Variants in GLI2 observed in about 807,000 individuals in gnomAD.
GLI2 encodes the protein transcription activator GLI2.
GLI2 carries 22 observed loss-of-function variants against 78.9 expected under a neutral mutation model. The ratio of observed to expected loss-of-function variants is 0.28; its 90% CI spans 0.20 to 0.40. The LOEUF (loss-of-function observed/expected upper bound fraction) is 0.40, where lower values mean the gene tolerates loss of function less well. Ranked by LOEUF, GLI2 falls within the 10% of genes least tolerant of loss-of-function variation. The pLI, the probability that GLI2 is intolerant of heterozygous loss-of-function variation, is 1.00. For synonymous variants in GLI2, 974 were observed against 963.7 expected, an observed-to-expected ratio of 1.01 and a Z score of -0.20; for missense variants, 2,097 against 2,213.2, an observed-to-expected ratio of 0.95 and a Z score of 1.05.
At chr2:120,760,457 G>C (rs1371743732) in intron 1 of GLI2, among the ~76,000 whole-genome samples, 1 of 152,194 alleles carries the variant, frequency 6.6e-6, no homozygotes, top group Non-Finnish European at 1.5e-5. Context: ...CCCTTCCCCA[G>C]GCCTGGAGTG....
chr2:120,976,212 G>A (rs139534324), intron 9 of GLI2, among the ~76,000 whole-genome samples: 94 of 152,266 alleles, frequency 6.2e-4, no homozygotes, highest in Non-Finnish European at 1.1e-3. Context: ...ACATGCACGC[G>A]TCTCCGATTC....
At chr2:120,842,658 C>A (rs559832051) in intron 2 of GLI2, among the ~76,000 whole-genome samples, 29 of 152,348 alleles carry the variant, frequency 1.9e-4, no homozygotes, top group Admixed American at 1.8e-3. Flanking sequence ...AAGGCTGCCC[C>A]ACATGGCGTG....
intron 2 of GLI2, among the ~76,000 whole-genome samples, chr2:120,921,077 C>T (rs2104845721): frequency 6.6e-6 from 1 of 152,202 alleles, no homozygotes; most frequent in African/African-American, 2.4e-5. Context: ...ATTTTTCCCT[C>T]CTCAGCCTGG....
chr2:120,785,210 G>A (rs1471409896), intron 1 of GLI2, among the ~76,000 whole-genome samples: 3 of 152,176 alleles, frequency 2.0e-5, no homozygotes, highest in African/African-American at 4.8e-5. Context: ...TGGGCATGCA[G>A]AGGAAGGCCA....
intron 1 of GLI2, among the ~76,000 whole-genome samples, chr2:120,753,760 A>T (rs776502): frequency 1.6e-4 from 25 of 151,790 alleles, no homozygotes; most frequent in African/African-American, 5.3e-4. Flanking sequence ...TAGCCGGGCG[A>T]GGTGGCGGGC....
At chr2:120,953,268 G>A (rs1293238786) in intron 4 of GLI2, among the ~76,000 whole-genome samples, 2 of 152,206 alleles carry the variant, frequency 1.3e-5, no homozygotes, top group Non-Finnish European at 2.9e-5. Flanking sequence ...CAGAGTCACA[G>A]AGGAGAAGGC....
At chr2:120,924,032 A>G (rs2104857162) in intron 2 of GLI2, among the ~76,000 whole-genome samples, 1 of 152,308 alleles carries the variant, frequency 6.6e-6, no homozygotes, top group East Asian at 1.9e-4. Flanking sequence ...ATGTCAGCTC[A>G]TAGCTGGGGG....
At chr2:120,925,591 GC>G (rs1679622508) in intron 2 of GLI2, among the ~76,000 whole-genome samples, 1 of 152,208 alleles carries the variant, frequency 6.6e-6, no homozygotes, top group African/African-American at 2.4e-5. Flanking sequence ...GATCTTTCCT[GC>G]ATGGAATAGC....
chr2:120,988,613 C>T lies in GLI2; in HGVS notation c.2648C>T (p.Pro883Leu), dbSNP rs762431434. The T allele has an allele frequency of 4.1e-6, 6 of 1,469,272 alleles. 1 individual carries two copies. The highest frequency in any genetic ancestry group is 2.6e-5 in the South Asian group (2 of 78,244). The allele number at this position is 1,469,272 out of a possible 1,614,324, so 91.0% of individuals were successfully genotyped here. Residue 883 changes from proline (P) to leucine (L), a missense_variant, in exon 14 of 14, where the codon CCC becomes CTC. Transcript: ENST00000361492. ...AAGTACGCGGCAGCCACTGGCGGCC[C>T]CCCGCCCACTCCGCTGCCGGGCCTG... ...RAKYAAATGGPPPTPLPGLER... is the reference protein window; with the variant it reads ...RAKYAAATGGLPPTPLPGLER...
chr2:120,751,037 G>C (rs1682856921), intron 1 of GLI2, among the ~76,000 whole-genome samples: 1 of 152,222 alleles, frequency 6.6e-6, no homozygotes, highest in African/African-American at 2.4e-5. Flanking sequence ...CAGCTGTGGA[G>C]ACTGTTGCCG....
intron 5 of GLI2, among the ~76,000 whole-genome samples, chr2:120,956,304 G>C (rs1681258983): frequency 6.6e-6 from 1 of 152,112 alleles, no homozygotes. Context: ...TAACTGAGCT[G>C]GGAGGCTATA....
At chr2:120,942,987 T>G (rs958721586) in intron 3 of GLI2, among the ~76,000 whole-genome samples, 1 of 152,190 alleles carries the variant, frequency 6.6e-6, no homozygotes, top group Non-Finnish European at 1.5e-5. Flanking sequence ...CACTCATTCA[T>G]TCATTCATTC....
At chr2:120,768,381 G>A (rs2104653964) in intron 1 of GLI2, among the ~76,000 whole-genome samples, 1 of 152,362 alleles carries the variant, frequency 6.6e-6, no homozygotes, top group South Asian at 2.1e-4. Flanking sequence ...CCATGGGAAG[G>A]TGGGCTACTG....
At chr2:120,848,135 G>A (rs989100075) in intron 2 of GLI2, among the ~76,000 whole-genome samples, 2 of 152,220 alleles carry the variant, frequency 1.3e-5, no homozygotes, top group Non-Finnish European at 2.9e-5. Flanking sequence ...CGCGCAGCGC[G>A]CACCTGAGCA....
intron 2 of GLI2, among the ~76,000 whole-genome samples, chr2:120,813,507 G>A (rs13408460): frequency 0.17 from 25,895 of 152,180 alleles, 3,324 homozygotes; most frequent in African/African-American, 0.37. Flanking sequence ...TCCAGGTGTC[G>A]ATTGAAACTC....
chr2:120,924,764 C>T (rs1475101278), intron 2 of GLI2, among the ~76,000 whole-genome samples: 1 of 152,196 alleles, frequency 6.6e-6, no homozygotes, highest in East Asian at 1.9e-4. Context: ...CCAGTATGAG[C>T]CAGTTTTCCT....
chr2:120,850,564 C>T (rs527582449), intron 2 of GLI2, among the ~76,000 whole-genome samples: 1 of 152,320 alleles, frequency 6.6e-6, no homozygotes, highest in East Asian at 1.9e-4. Context: ...TTCTCTCTTA[C>T]AGCGTAAGGG....
chr2:120,973,854 G>A (rs1174784655), intron 8 of GLI2, among the ~76,000 whole-genome samples: 1 of 152,144 alleles, frequency 6.6e-6, no homozygotes, highest in Non-Finnish European at 1.5e-5. Context: ...TGGAGTTTGA[G>A]TCTCCATTGA....
chr2:120,771,422 C>T (rs1014214416), intron 1 of GLI2, among the ~76,000 whole-genome samples: 2 of 152,210 alleles, frequency 1.3e-5, no homozygotes, highest in African/African-American at 4.8e-5. Context: ...TGTAAAATGA[C>T]TGGTGAGGCT....
Sources: gnomAD v4.1 joint callset for allele counts (sites outside exome capture counted in the v4.1 genomes callset) on GRCh38, gnomAD v4.1.1 for gene constraint, MANE v1.5 for transcripts, NCBI Gene and HGNC (gene_info 2026-07-23, HGNC 2026-07-21) for gene names.